EPN1: variants seen among roughly 807,000 people sequenced by gnomAD.
The protein encoded by EPN1 is epsin 1.
EPN1 carries 25 observed loss-of-function variants against 56.9 expected under a neutral mutation model. That is an observed-to-expected ratio of 0.44 (90% CI 0.32 to 0.61). The LOEUF (loss-of-function observed/expected upper bound fraction) is 0.61. EPN1 is among the 20% of genes least tolerant of loss of function. The probability of loss-of-function intolerance (pLI) is 0.05; values close to 1 mark genes in which losing one functional copy is unlikely to be tolerated. For synonymous variants in EPN1, 411 were observed against 361.8 expected, an observed-to-expected ratio of 1.14 and a Z score of -1.54; for missense variants, 785 against 823.7, an observed-to-expected ratio of 0.95 and a Z score of 0.58.
At position 55,705,018 on chromosome 19, in the gene EPN1, G is replaced by A. The variant is rs934108622; in HGVS notation, c.*9662G>A. ...CACGTGGGAGGCACCAGGGAGCCCA[G>A]AAGAAATGAAAAGCCTGGGCAGACT... On this transcript the variant is annotated 3_prime_UTR_variant, in exon 11 of 11. Coordinates refer to ENST00000270460, the MANE Select transcript of EPN1 (RefSeq NM_001130072.2). The A allele has an allele frequency of 6.6e-6, 1 of 152,220 alleles. No homozygotes were observed. The highest frequency in any genetic ancestry group is 2.4e-5 in the African/African-American group (1 of 41,448). 9.4% of individuals were successfully genotyped at this position (152,220 alleles called of 1,614,324 possible). A position where few individuals can be genotyped will look rare whatever the true frequency, so the allele number is the denominator to read the frequency against.
rs762919490 is a variant in EPN1, at chr19:55,677,653, C to G, written c.-101-874C>G. On this transcript the variant is annotated intron_variant, in intron 1 of 10. Coordinates refer to ENST00000270460, the MANE Select transcript of EPN1 (RefSeq NM_001130072.2). ...CCCAGGCAGTGGGGCTGTTAGGTTC[C>G]TTATCTCTCCTGAGCCTTGGGCTTC... The G allele has an allele frequency of 2.7e-5, 42 of 1,551,570 alleles. No homozygotes were observed. The highest frequency in any genetic ancestry group is 3.9e-5 in the Admixed American group (2 of 50,982).
Position 55,691,972 on chromosome 19 carries a change from A to G in EPN1, c.981A>G (p.Ala327=). ...ACCCCTGGAGGCCTGCTGCCCCTGCAGGACCCTCAGTTGACCCTTGGGGTG... is the reference window on the plus strand; with the variant it reads ...ACCCCTGGAGGCCTGCTGCCCCTGCGGGACCCTCAGTTGACCCTTGGGGTG... ...SGDPWRPAAP[A]GPSVDPWGGT... is the part of the protein sequence containing the mutation. Residue 327 remains alanine (A), a synonymous_variant, in exon 7 of 11, where the codon GCA becomes GCG. Transcript: ENST00000270460. The surrounding 1 kb of genome is among the most constrained non-coding windows in gnomAD (Gnocchi z 5.6). 6.6e-7 allele frequency: 1 copy of G among 1,509,172 alleles called. No individual in the cohort carries two copies. The allele number at this position is 1,509,172 out of a possible 1,614,324, so 93.5% of individuals were successfully genotyped here.
At position 55,694,420 on chromosome 19, in the gene EPN1, C is replaced by T; in HGVS notation, c.1265-306C>T. 2.9e-6 allele frequency: 1 copy of T among 340,382 alleles called. No individual in the cohort carries two copies. The highest frequency in any genetic ancestry group is 5.3e-6 in the Non-Finnish European group (1 of 188,988). 21.1% of individuals were successfully genotyped at this position (340,382 alleles called of 1,614,324 possible). ...CGCCCCCGCTGCCTTCCCCCGCGGG[C>T]CTATAGACCCTGGACGGCCCCACCC... On this transcript the variant is annotated intron_variant, in intron 9 of 10. Coordinates refer to ENST00000270460, the MANE Select transcript of EPN1 (RefSeq NM_001130072.2). This position sits in a 1 kb window ranked among gnomAD's most constrained non-coding sequence, Gnocchi z 4.2.
intron 2 of EPN1, among the ~76,000 whole-genome samples, chr19:55,679,384 A>G (rs999864388): frequency 5.3e-5 from 8 of 152,232 alleles, no homozygotes; most frequent in Non-Finnish European, 7.3e-5. Flanking sequence ...GGCCAAGGAC[A>G]TGGGCTGGGG....
chr19:55,677,640 G>A, intron 1 of EPN1: 1 of 1,551,648 alleles, frequency 6.4e-7, no homozygotes. Context: ...CAGGCAGTGG[G>A]GCTGTTAGGT....
intron 2 of EPN1, among the ~76,000 whole-genome samples, chr19:55,682,526 C>T (rs1985883486): frequency 6.6e-6 from 1 of 152,020 alleles, no homozygotes. Context: ...TTAAGCAATC[C>T]TCCTGCCACA....
rs1164461520 is a variant in EPN1, at chr19:55,700,257, C to A, written c.*4901C>A. The stretch of plus-strand genomic sequence containing the variant: ...CTATTTAATGACTGCTCCATAAATA[C>A]AAACTTCCTTTCCTTATTATTATTA... On this transcript the variant is annotated 3_prime_UTR_variant, in exon 11 of 11. Transcript: ENST00000270460. The A allele has an allele frequency of 6.7e-6, 1 of 148,742 alleles. No individual in the cohort carries two copies. Among genetic ancestry groups the A allele is most frequent in the Non-Finnish European group, 1.5e-5 (1 of 67,818 alleles). The allele number at this position is 148,742 out of a possible 1,614,324, so 9.2% of individuals were successfully genotyped here.
At position 55,689,087 on chromosome 19, in the gene EPN1, C is replaced by T; in HGVS notation, c.603+93C>T. The T allele has an allele frequency of 6.9e-7, 1 of 1,443,550 alleles. No homozygotes were observed. The highest frequency in any genetic ancestry group is 1.4e-5 in the South Asian group (1 of 72,298). 89.4% of individuals were successfully genotyped at this position (1,443,550 alleles called of 1,614,324 possible). A position where few individuals can be genotyped will look rare whatever the true frequency, so the allele number is the denominator to read the frequency against. ...CAGCCAGGCGTGGGCCTGGCCCTCA[C>T]TGTCGCTGCTCCACATGCTGTCACT... On this transcript the variant is annotated intron_variant, in intron 4 of 10. Coordinates refer to ENST00000270460, the MANE Select transcript of EPN1 (RefSeq NM_001130072.2). This position sits in a 1 kb window ranked among gnomAD's most constrained non-coding sequence, Gnocchi z 5.7.
rs1373382063 is a variant in EPN1 at position 55,689,014 on chromosome 19, G to T, written c.603+20G>T. Reference sequence around the variant, plus strand: ...GACCAGGTACTGGGCGTGCAGCTGGGGCTGTCTGTCCGCCACCCGCCTCCA... The same window carrying T: ...GACCAGGTACTGGGCGTGCAGCTGGTGCTGTCTGTCCGCCACCCGCCTCCA... On this transcript the variant is annotated intron_variant, in intron 4 of 10. Coordinates refer to ENST00000270460, the MANE Select transcript of EPN1 (RefSeq NM_001130072.2). This position sits in a 1 kb window ranked among gnomAD's most constrained non-coding sequence, Gnocchi z 5.7. 2.5e-6 allele frequency: 4 copies of T among 1,578,032 alleles called. No homozygotes were observed. Among genetic ancestry groups the T allele is most frequent in the Non-Finnish European group, 3.4e-6 (4 of 1,165,144 alleles).
At position 55,689,392 on chromosome 19, in the gene EPN1, C is replaced by T; in HGVS notation, c.678+21C>T. 1 of 1,543,976 alleles carries T rather than the reference C, an allele frequency of 6.5e-7. No individual in the cohort carries two copies. Among genetic ancestry groups the T allele is most frequent in the Non-Finnish European group, 8.8e-7 (1 of 1,140,090 alleles). ...ATAAGGTCAGAGCAGCCTCCCTGTCCCTGCCCCTGCCAGGGGCTCCCCTCA... is the reference window on the plus strand; with the variant it reads ...ATAAGGTCAGAGCAGCCTCCCTGTCTCTGCCCCTGCCAGGGGCTCCCCTCA... On this transcript the variant is annotated intron_variant, in intron 5 of 10. Transcript: ENST00000270460. This position sits in a 1 kb window ranked among gnomAD's most constrained non-coding sequence, Gnocchi z 5.7.
At chr19:55,687,047 C>G (rs1333852494) in intron 3 of EPN1, among the ~76,000 whole-genome samples, 1 of 152,166 alleles carries the variant, frequency 6.6e-6, no homozygotes, top group Non-Finnish European at 1.5e-5. Context: ...CCCTCCGACA[C>G]TCACCAAGGT....
rs1486148960 is a variant in EPN1, at chr19:55,688,910, G to A, written c.519G>A (p.Ala173=). The change falls in exon 4 of 11, where the codon GCG becomes GCA. Residue 173 remains alanine (A), a synonymous_variant. Coordinates refer to ENST00000270460, the MANE Select transcript of EPN1 (RefSeq NM_001130072.2). ...TGGGCTCAGGCCCCCCTCCCGAGGCGGAGCAGGCGTGGCCGCAGAGCAGCG... is the reference window on the plus strand; with the variant it reads ...TGGGCTCAGGCCCCCCTCCCGAGGCAGAGCAGGCGTGGCCGCAGAGCAGCG... The part of the protein sequence containing the change: ...AAVGSGPPPE[A]EQAWPQSSGE... 9 of 1,585,256 alleles carry A rather than the reference G, an allele frequency of 5.7e-6. No homozygotes were observed. The highest frequency in any genetic ancestry group is 4.6e-5 in the East Asian group (2 of 43,540).
chr19:55,681,830 C>G (rs1277426578), intron 2 of EPN1, among the ~76,000 whole-genome samples: 1 of 151,020 alleles, frequency 6.6e-6, no homozygotes, highest in African/African-American at 2.4e-5. Context: ...TTTTTAGAGA[C>G]AAAGTGTTGC....
Position 55,685,558 on chromosome 19 carries a change from G to A in EPN1, c.391G>A (p.Val131Met). The change falls in exon 3 of 11, where the codon GTG becomes ATG. Residue 131 changes from valine (V) to methionine (M), a missense_variant. Val to Met is a conservative substitution (Grantham distance 21). Around this residue, in one of 2 missense-constraint regions of EPN1, gnomAD observed 135 missense variants for 218.7 expected, o/e 0.62. Transcript: ENST00000270460. ...VNVREKAKQL[V>M]ALLRDEDRLR... ...CGTGCGTGAGAAAGCTAAGCAGCTGGTGGCCCTGCTGCGCGACGAGGACCG... is the reference window on the plus strand; with the variant it reads ...CGTGCGTGAGAAAGCTAAGCAGCTGATGGCCCTGCTGCGCGACGAGGACCG... 1.2e-6 allele frequency: 2 copies of A among 1,611,416 alleles called. No homozygotes were observed. The highest frequency in any genetic ancestry group is 1.1e-5 in the South Asian group (1 of 90,598).
rs73933309 is a variant in EPN1, at chr19:55,689,999, G to T, written c.762+49G>T. 3 of 1,504,780 alleles carry T rather than the reference G, an allele frequency of 2.0e-6. No individual in the cohort carries two copies. The highest frequency in any genetic ancestry group is 2.7e-6 in the Non-Finnish European group (3 of 1,109,118). The allele number at this position is 1,504,780 out of a possible 1,614,324, so 93.2% of individuals were successfully genotyped here. On this transcript the variant is annotated intron_variant, in intron 6 of 10. Coordinates refer to ENST00000270460, the MANE Select transcript of EPN1 (RefSeq NM_001130072.2). The surrounding 1 kb of genome is among the most constrained non-coding windows in gnomAD (Gnocchi z 5.7). ...CCCTGGCCCCTGCAGGTGTCCGTCC[G>T]TCCCATCGCTCATTCCTGCGTGGCC... is the stretch of plus-strand genomic sequence containing the variant.
At chr19:55,688,368 T>C (rs1453120928) in intron 3 of EPN1, among the ~76,000 whole-genome samples, 1 of 152,104 alleles carries the variant, frequency 6.6e-6, no homozygotes, top group East Asian at 1.9e-4. Context: ...GGCTCCTCGC[T>C]AGCCCACTCC....
At chr19:55,683,417 T>C (rs1377572384) in intron 2 of EPN1, among the ~76,000 whole-genome samples, 1 of 152,064 alleles carries the variant, frequency 6.6e-6, no homozygotes, top group Non-Finnish European at 1.5e-5. Context: ...AGTGGCGTGC[T>C]CTTGGCTCAC....
At position 55,692,156 on chromosome 19, in the gene EPN1, C is replaced by T. The variant is rs11672596; in HGVS notation, c.1066+99C>T. ...CAGGGACAGATCGAGCCAGTGGCGC[C>T]GGGCAGTGGTGGGGCGTCCTGGGTG... On this transcript the variant is annotated intron_variant, in intron 7 of 10. Transcript: ENST00000270460. 4.5e-3 allele frequency: 5,466 copies of T among 1,216,638 alleles called. 16 individuals carry two copies. Among genetic ancestry groups the T allele is most frequent in the Admixed American group, 4.9e-3 (133 of 27,128 alleles). The allele number at this position is 1,216,638 out of a possible 1,614,324, so 75.4% of individuals were successfully genotyped here.
Position 55,689,284 on chromosome 19 carries a change from C to CT in EPN1, c.604-12dup. The CT allele has an allele frequency of 1.9e-6, 3 of 1,544,058 alleles. No homozygotes were observed. The highest frequency in any genetic ancestry group is 2.6e-6 in the Non-Finnish European group (3 of 1,140,592). On this transcript the variant is annotated splice_polypyrimidine_tract_variant and intron_variant, in intron 4 of 10. Transcript: ENST00000270460. The surrounding 1 kb of genome is among the most constrained non-coding windows in gnomAD (Gnocchi z 5.7). ...CCCCTCCCGTCATGCCCCTCACACT[C>CT]TCTCTCCCCCAGCCCCCGTCCTGCG...
Sources: gnomAD v4.1 joint callset for allele counts (sites outside exome capture counted in the v4.1 genomes callset) on GRCh38, gnomAD v4.1.1 for gene constraint, gnomAD v4.1.1 regional missense constraint, Gnocchi (gnomAD v3.1) non-coding constraint, MANE v1.5 for transcripts, NCBI Gene and HGNC (gene_info 2026-07-23, HGNC 2026-07-21) for gene names.